Variants in ULK4 observed in about 807,000 individuals in gnomAD.
ULK4 encodes inactive serine/threonine-protein kinase ULK4.
A neutral mutation model predicts 160.6 loss-of-function variants in ULK4; 133 were observed. That is an observed-to-expected ratio of 0.83 (90% CI 0.72 to 0.96). The LOEUF (loss-of-function observed/expected upper bound fraction) is 0.96. Ranked by LOEUF, ULK4 falls within the 40% of genes least tolerant of loss-of-function variation. The pLI, the probability that ULK4 is intolerant of heterozygous loss-of-function variation, is 0.00. For missense variants in ULK4, 1,580 were observed against 1,499.5 expected (o/e 1.05, Z -0.89); for synonymous variants, 534 against 539.8 (o/e 0.99, Z 0.15).
intron 35 of ULK4, among the ~76,000 whole-genome samples, chr3:41,317,233 GC>G (rs1420185546): frequency 2.6e-5 from 4 of 151,478 alleles, no homozygotes; most frequent in Admixed American, 1.3e-4. Context: ...CCGCCACGGC[GC>G]CCGGCTAATT....
At chr3:41,493,411 T>A (rs2084866611) in intron 32 of ULK4, among the ~76,000 whole-genome samples, 1 of 137,534 alleles carries the variant, frequency 7.3e-6, no homozygotes, top group Non-Finnish European at 1.6e-5. Context: ...CCAGAATCTC[T>A]GGGACACATT....
At chr3:41,742,720 A>G (rs2038283941) in intron 22 of ULK4, among the ~76,000 whole-genome samples, 1 of 152,010 alleles carries the variant, frequency 6.6e-6, no homozygotes, top group Non-Finnish European at 1.5e-5. Flanking sequence ...AGCATTACAA[A>G]TTCTCTTAAA....
chr3:41,405,753 G>C (rs1279190081), intron 34 of ULK4, among the ~76,000 whole-genome samples: 2 of 151,878 alleles, frequency 1.3e-5, no homozygotes, highest in Non-Finnish European at 2.9e-5. Context: ...ATGCTTCTTG[G>C]CCGCTTGTAT....
chr3:41,562,208 G>A (rs1027484936), intron 32 of ULK4, among the ~76,000 whole-genome samples: 5 of 152,186 alleles, frequency 3.3e-5, no homozygotes, highest in African/African-American at 1.2e-4. Context: ...TAATTTGATT[G>A]TACTGTGGTC....
chr3:41,637,297 G>C (rs541799131), intron 30 of ULK4, among the ~76,000 whole-genome samples: 7 of 152,108 alleles, frequency 4.6e-5, no homozygotes, highest in Non-Finnish European at 1.0e-4. Flanking sequence ...TGCAGTATTT[G>C]TCTTTTTGTG....
intron 31 of ULK4, among the ~76,000 whole-genome samples, chr3:41,599,392 T>C (rs1369176887): frequency 1.3e-5 from 2 of 152,098 alleles, no homozygotes; most frequent in African/African-American, 4.8e-5. Context: ...GGAACATTAA[T>C]TCCCCCTTGC....
chr3:41,897,246 G>A (rs1484687754), intron 14 of ULK4, among the ~76,000 whole-genome samples: 4 of 152,120 alleles, frequency 2.6e-5, no homozygotes, highest in Non-Finnish European at 4.4e-5. Context: ...AAATAAAGCA[G>A]ATGTCTAAAG....
chr3:41,647,995 C>T (rs558152022), intron 30 of ULK4, among the ~76,000 whole-genome samples: 350 of 152,330 alleles, frequency 2.3e-3, no homozygotes, highest in African/African-American at 7.5e-3. Flanking sequence ...TAGGACCCTC[C>T]GAGCCAGGTG....
chr3:41,677,189 G>A (rs1223638390), intron 29 of ULK4, among the ~76,000 whole-genome samples: 1 of 151,926 alleles, frequency 6.6e-6, no homozygotes, highest in Non-Finnish European at 1.5e-5. Flanking sequence ...GATTACAGGT[G>A]TGAGCCGGTG....
chr3:41,673,019 T>C (rs1178300435), intron 29 of ULK4, among the ~76,000 whole-genome samples: 1 of 152,046 alleles, frequency 6.6e-6, no homozygotes, highest in Admixed American at 6.6e-5. Flanking sequence ...TTCTAATTTT[T>C]TGTAGAGACA....
chr3:41,454,547 A>AG lies in ULK4; in HGVS notation c.3492+949_3492+950insC, dbSNP rs1334363779. On this transcript the variant is annotated intron_variant, in intron 34 of 36. Transcript: ENST00000301831. ...AGAGCAAGACTTCATCTCAAAAAAA[A>AG]AAAAAAAAGAAAGAAAAGAAAAGAA... Among the ~76,000 whole-genome samples, 4 of 151,632 alleles carry AG rather than the reference A, an allele frequency of 2.6e-5. No individual in the cohort carries two copies. The East Asian group carries it at 7.7e-4, about 29-fold the overall frequency.
At chr3:41,437,085 C>T (rs930501542) in intron 34 of ULK4, among the ~76,000 whole-genome samples, 13 of 152,100 alleles carry the variant, frequency 8.5e-5, no homozygotes, top group African/African-American at 3.1e-4. Context: ...AATTTATTGC[C>T]ACAGGAAAGC....
intron 35 of ULK4, among the ~76,000 whole-genome samples, chr3:41,336,373 C>G (rs541608852): frequency 4.1e-4 from 62 of 152,276 alleles, no homozygotes; most frequent in South Asian, 3.9e-3. Flanking sequence ...CTTCAAGCTC[C>G]CTCTGAAACA....
intron 32 of ULK4, among the ~76,000 whole-genome samples, chr3:41,561,731 GTC>G (rs1382610162): frequency 6.6e-6 from 1 of 152,022 alleles, no homozygotes; most frequent in African/African-American, 2.4e-5. Context: ...TTTTTATTGT[GTC>G]TATTTGATTC....
At chr3:41,466,025 C>T (rs1326436571) in intron 32 of ULK4, among the ~76,000 whole-genome samples, 2 of 152,118 alleles carry the variant, frequency 1.3e-5, no homozygotes, top group Admixed American at 1.3e-4. Context: ...GAACATAATG[C>T]ATTTTTAAAT....
intron 2 of ULK4, among the ~76,000 whole-genome samples, chr3:41,941,755 CAAAAAAAAA>C (rs565727539): frequency 1.3e-3 from 40 of 30,754 alleles, no homozygotes; most frequent in East Asian, 6.4e-3. Flanking sequence ...GACTCTGTCT[CAAAAAAAAA>C]AAAAAAAAAA....
At chr3:41,541,942 T>C (rs939669256) in intron 32 of ULK4, among the ~76,000 whole-genome samples, 2 of 152,208 alleles carry the variant, frequency 1.3e-5, no homozygotes, top group South Asian at 2.1e-4. Flanking sequence ...TTTCTAAATA[T>C]ACTATCATGT....
intron 31 of ULK4, among the ~76,000 whole-genome samples, chr3:41,572,624 G>A (rs1303583840): frequency 4.7e-5 from 7 of 149,832 alleles, no homozygotes; most frequent in African/African-American, 9.8e-5. Context: ...AAATTGGCCC[G>A]TCATGGTGGC....
chr3:41,328,447 A>G (rs2080377569), intron 35 of ULK4, among the ~76,000 whole-genome samples: 1 of 152,154 alleles, frequency 6.6e-6, no homozygotes, highest in Non-Finnish European at 1.5e-5. Context: ...TGGAGAGTGT[A>G]GAAACCAGGA....
Sources: allele counts gnomAD v4.1 joint callset (sites outside exome capture counted in the v4.1 genomes callset), GRCh38; gene constraint gnomAD v4.1.1; transcripts MANE v1.5; gene names NCBI Gene and HGNC (gene_info 2026-07-23, HGNC 2026-07-21).